The following KCNIP4 variants were observed in gnomAD, a reference collection of about 807,000 sequenced individuals.
KCNIP4 encodes the protein potassium voltage-gated channel interacting protein 4.
KCNIP4 carries 12 observed loss-of-function variants against 34.0 expected under a neutral mutation model. That is an observed-to-expected ratio of 0.35 (90% CI 0.23 to 0.57). KCNIP4 has a LOEUF of 0.57. Among genes scored for constraint, KCNIP4 ranks in the 20% least tolerant of loss-of-function variants. The probability of loss-of-function intolerance (pLI) is 0.83; values close to 1 mark genes in which losing one functional copy is unlikely to be tolerated. For synonymous variants in KCNIP4, 124 were observed against 102.2 expected (o/e 1.21, Z -1.29); for missense variants, 238 against 311.7 (o/e 0.76, Z 1.78).
chr4:21,376,899 C>A (rs996960823), intron 1 of KCNIP4, among the ~76,000 whole-genome samples: 1 of 152,142 alleles, frequency 6.6e-6, no homozygotes, highest in Non-Finnish European at 1.5e-5. Context: ...ATATCCATAG[C>A]AGAAGAGGTT....
chr4:21,697,077 T>C (rs1334871214), intron 1 of KCNIP4, among the ~76,000 whole-genome samples: 1 of 151,966 alleles, frequency 6.6e-6, no homozygotes. Context: ...AAAAAATCTT[T>C]CTACTCTGCA....
chr4:21,453,182 G>A (rs1450597067), intron 1 of KCNIP4, among the ~76,000 whole-genome samples: 2 of 151,764 alleles, frequency 1.3e-5, no homozygotes, highest in East Asian at 3.9e-4. Context: ...AGGTATGTGG[G>A]GGTGAGATTT....
At chr4:21,200,861 C>A (rs557827810) in intron 1 of KCNIP4, among the ~76,000 whole-genome samples, 12 of 151,852 alleles carry the variant, frequency 7.9e-5, no homozygotes, top group African/African-American at 2.9e-4. Context: ...GTTGTGTTTT[C>A]CTTGGTGACT....
At chr4:21,443,129 C>G (rs963958730) in intron 1 of KCNIP4, among the ~76,000 whole-genome samples, 4 of 152,178 alleles carry the variant, frequency 2.6e-5, no homozygotes, top group African/African-American at 9.7e-5. Context: ...TCTATCTTAT[C>G]CAAACCCCAC....
intron 1 of KCNIP4, among the ~76,000 whole-genome samples, chr4:21,884,693 G>A (rs1560786543): frequency 6.6e-6 from 1 of 152,110 alleles, no homozygotes; most frequent in Admixed American, 6.6e-5. Context: ...TAGACAATGT[G>A]TCTTCAGGAC....
intron 3 of KCNIP4, among the ~76,000 whole-genome samples, chr4:20,812,786 G>A (rs1715930502): frequency 6.6e-6 from 1 of 151,976 alleles, no homozygotes; most frequent in Non-Finnish European, 1.5e-5. Context: ...TGGGATGAGG[G>A]AACCATCTTG....
At chr4:21,446,731 TGTGC>T (rs1043941144) in intron 1 of KCNIP4, among the ~76,000 whole-genome samples, 3 of 151,934 alleles carry the variant, frequency 2.0e-5, no homozygotes, top group African/African-American at 7.3e-5. Context: ...ACCTGCACAT[TGTGC>T]ACATGTACCT....
chr4:20,878,254 CCTATA>C (rs1724281381), intron 2 of KCNIP4, among the ~76,000 whole-genome samples: 1 of 152,124 alleles, frequency 6.6e-6, no homozygotes, highest in South Asian at 2.1e-4. Context: ...CATGATATTT[CCTATA>C]CTAAATACTT....
At chr4:21,551,669 T>G (rs1560510008) in intron 1 of KCNIP4, among the ~76,000 whole-genome samples, 1 of 148,650 alleles carries the variant, frequency 6.7e-6, no homozygotes, top group Non-Finnish European at 1.5e-5. Context: ...GAGGGCACAT[T>G]ATAATTTTTC....
At chr4:21,876,488 C>A (rs1357556087) in intron 1 of KCNIP4, among the ~76,000 whole-genome samples, 1 of 152,050 alleles carries the variant, frequency 6.6e-6, no homozygotes, top group African/African-American at 2.4e-5. Flanking sequence ...TGAGGAAATA[C>A]ATTAATTAGA....
At chr4:21,676,841 A>G (rs1418439282) in intron 1 of KCNIP4, among the ~76,000 whole-genome samples, 2 of 152,154 alleles carry the variant, frequency 1.3e-5, no homozygotes, top group Non-Finnish European at 2.9e-5. Context: ...ATGTCTTTAA[A>G]TATATCAGAT....
At chr4:21,880,371 A>C (rs988346322) in intron 1 of KCNIP4, among the ~76,000 whole-genome samples, 1 of 152,202 alleles carries the variant, frequency 6.6e-6, no homozygotes, top group African/African-American at 2.4e-5. Context: ...CATGTAGTCA[A>C]TGTATATTAG....
At chr4:21,620,262 A>G (rs1744911213) in intron 1 of KCNIP4, among the ~76,000 whole-genome samples, 2 of 152,142 alleles carry the variant, frequency 1.3e-5, no homozygotes, top group South Asian at 4.1e-4. Flanking sequence ...CAATACTTTG[A>G]AAGGCCAAGG....
chr4:21,728,797 TATGTCTC>T (rs1715384798), intron 1 of KCNIP4, among the ~76,000 whole-genome samples: 1 of 152,172 alleles, frequency 6.6e-6, no homozygotes, highest in South Asian at 2.1e-4. Context: ...AGGAGATCTC[TATGTCTC>T]ATTGTCTTAC....
intron 1 of KCNIP4, among the ~76,000 whole-genome samples, chr4:21,453,616 G>T (rs988311207): frequency 1.3e-5 from 2 of 152,018 alleles, no homozygotes; most frequent in Non-Finnish European, 2.9e-5. Context: ...CACAGAGCTA[G>T]AAGTGAGCTA....
intron 1 of KCNIP4, among the ~76,000 whole-genome samples, chr4:21,116,013 G>A (rs1749644014): frequency 6.6e-6 from 1 of 152,156 alleles, no homozygotes; most frequent in Non-Finnish European, 1.5e-5. Context: ...GAAGGCGATG[G>A]TTTCGGAATA....
rs543180561 is a variant in KCNIP4, at chr4:21,229,074, G to C, written c.62-346365C>G. On this transcript the variant is annotated intron_variant, in intron 1 of 8. Transcript: ENST00000382152. ...CTGCACTGAAGCTGCATTATTTGCT[G>C]TTTTCCACATGGATCCTGGACCTAC... Among the ~76,000 whole-genome samples, 122 of 152,304 alleles carry C rather than the reference G, an allele frequency of 8.0e-4. 1 individual carries two copies. In the South Asian group the frequency reaches 9.9e-3, roughly 12 times the overall value.
At chr4:20,913,892 A>G (rs984482295) in intron 1 of KCNIP4, among the ~76,000 whole-genome samples, 1 of 152,262 alleles carries the variant, frequency 6.6e-6, no homozygotes, top group East Asian at 1.9e-4. Context: ...GCGGTGGCTC[A>G]TGCCTGTAAT....
intron 1 of KCNIP4, among the ~76,000 whole-genome samples, chr4:20,973,511 C>T (rs1162266262): frequency 6.6e-6 from 1 of 152,214 alleles, no homozygotes; most frequent in Non-Finnish European, 1.5e-5. Context: ...GTTTTGCTTT[C>T]TCATTCTTCA....
Sources: allele counts gnomAD v4.1 joint callset (sites outside exome capture counted in the v4.1 genomes callset), GRCh38; gene constraint gnomAD v4.1.1; transcripts MANE v1.5; gene names NCBI Gene and HGNC (gene_info 2026-07-23, HGNC 2026-07-21).